The following ATP2C1 variants were observed in gnomAD, a reference collection of about 807,000 sequenced individuals.
ATP2C1 encodes the protein ATPase secretory pathway Ca2+ transporting 1.
ATP2C1 carries 31 observed loss-of-function variants against 120.5 expected under a neutral mutation model. The observed-to-expected ratio is 0.26, with a 90% CI of 0.19 to 0.35. The LOEUF is 0.35. Among genes scored for constraint, ATP2C1 ranks in the 10% least tolerant of loss-of-function variants. ATP2C1 has a pLI of 1.00. For synonymous variants in ATP2C1, 351 were observed against 358.7 expected (o/e 0.98, Z 0.24); for missense variants, 731 against 1,107.5 (o/e 0.66, Z 4.83).
intron 20 of ATP2C1, among the ~76,000 whole-genome samples, chr3:130,982,706 A>G (rs17282292): frequency 0.17 from 26,359 of 152,204 alleles, 2,435 homozygotes; most frequent in Middle Eastern, 0.23. Context: ...CAAGTTATAT[A>G]TTCAGAATGT....
intron 4 of ATP2C1, among the ~76,000 whole-genome samples, chr3:130,932,418 A>C (rs889249849): frequency 6.6e-6 from 1 of 152,132 alleles, no homozygotes; most frequent in African/African-American, 2.4e-5. Context: ...TACACTATTT[A>C]AATGATAGGA....
intron 1 of ATP2C1, among the ~76,000 whole-genome samples, chr3:130,879,334 T>C (rs987266173): frequency 3.9e-5 from 6 of 152,232 alleles, no homozygotes; most frequent in Admixed American, 3.9e-4. Context: ...CCCAAAGTGC[T>C]GGGATTACAG....
intron 20 of ATP2C1, 66 bp downstream of exon 20, chr3:130,980,745 A>G (rs1388692591): frequency 3.4e-6 from 4 of 1,174,268 alleles, no homozygotes; most frequent in East Asian, 2.4e-5. Context: ...TTCTACTACT[A>G]TCTTAATGAA....
exon 27 of ATP2C1, chr3:131,016,159 T>C (rs751523334): frequency 6.2e-7 from 1 of 1,614,084 alleles, no homozygotes; most frequent in South Asian, 1.1e-5. Context: ...TAGGTCTGGC[T>C]CTGGGAGAGG....
At chr3:130,934,461 A>G (rs528067816) in intron 4 of ATP2C1, among the ~76,000 whole-genome samples, 161 bp from the exon 5 acceptor site, 1 of 152,092 alleles carries the variant, frequency 6.6e-6, no homozygotes, top group African/African-American at 2.4e-5. Flanking sequence ...AGTTAAGTAT[A>G]AACGCTTTTT....
chr3:130,904,666 T>C (rs923490249), intron 2 of ATP2C1, among the ~76,000 whole-genome samples: 2 of 152,034 alleles, frequency 1.3e-5, no homozygotes, highest in African/African-American at 2.4e-5. Flanking sequence ...ATCATACTTA[T>C]CATGGGCCAG....
At chr3:130,967,062 T>TTA in intron 14 of ATP2C1, 83 bp from the exon 15 acceptor site, 1 of 916,764 alleles carries the variant, frequency 1.1e-6, no homozygotes, top group Admixed American at 1.7e-5. Flanking sequence ...ACAGAACTCA[T>TTA]TATAGTTTTT....
At position 130,979,308 on chromosome 3, in the gene ATP2C1, A is replaced by G. The variant is rs776101896; in HGVS notation, c.1630A>G (p.Ile544Val). Residue 544 changes from isoleucine to valine, a missense_variant, in exon 19 of 28, where the codon ATC becomes GTC. Ile to Val is a conservative substitution (Grantham distance 29). Coordinates refer to ENST00000510168, the MANE Select transcript of ATP2C1 (RefSeq NM_001378687.1). ...GQLTFLGLVG[I>V]IDPPRTGVKE... is the part of the protein sequence containing the mutation. Reference sequence around the variant, plus strand: ...GCTGACATTTCTTGGCTTGGTGGGAATCATTGATCCACCTAGAACTGGTGT... The same window carrying G: ...GCTGACATTTCTTGGCTTGGTGGGAGTCATTGATCCACCTAGAACTGGTGT... 6.2e-7 allele frequency: 1 copy of G among 1,613,670 alleles called. No individual in the cohort carries two copies. Among genetic ancestry groups the G allele is most frequent in the South Asian group, 1.1e-5 (1 of 91,060 alleles).
At chr3:130,955,143 A>G in intron 10 of ATP2C1, 63 bp downstream of exon 10, 3 of 1,107,146 alleles carry the variant, frequency 2.7e-6, no homozygotes. Context: ...TTGTAAGTAG[A>G]GAATGTTGGA....
intron 16 of ATP2C1, among the ~76,000 whole-genome samples, chr3:130,967,738 T>C (rs2061114632): frequency 6.6e-6 from 1 of 152,226 alleles, no homozygotes; most frequent in Non-Finnish European, 1.5e-5. Context: ...TAATTGCTGA[T>C]AAATACTAAC....
chr3:130,967,296 T>G (rs991103118), intron 15 of ATP2C1, 34 bp from the exon 16 acceptor site: 1 of 1,611,788 alleles, frequency 6.2e-7, no homozygotes, highest in Non-Finnish European at 8.5e-7. Flanking sequence ...TAAGACACAG[T>G]GATAGGTTCA....
At chr3:130,900,748 G>A (rs2057782219) in intron 2 of ATP2C1, among the ~76,000 whole-genome samples, 1 of 152,174 alleles carries the variant, frequency 6.6e-6, no homozygotes, top group African/African-American at 2.4e-5. Flanking sequence ...CTCTGCCTAA[G>A]GGCAAGATCC....
chr3:131,014,832 CAA>C lies in ATP2C1; in HGVS notation c.2630-1319_2630-1318del, dbSNP rs781773154. 2.6e-5 allele frequency among the ~76,000 whole-genome samples: 4 copies of C among 152,174 alleles called. No homozygotes were observed. The South Asian group carries it at 6.2e-4, about 24-fold the overall frequency. On this transcript the variant is annotated intron_variant, in intron 26 of 26. Transcript: ENST00000328560. The stretch of plus-strand genomic sequence containing the variant: ...AGAAGATGGGATTAATTGGAATCCA[CAA>C]GTTTATTATGGACAAAGCTGATAAA...
At chr3:130,951,844 CATATT>C (rs2060382222) in intron 8 of ATP2C1, among the ~76,000 whole-genome samples, 1 of 152,090 alleles carries the variant, frequency 6.6e-6, no homozygotes, top group Non-Finnish European at 1.5e-5. Context: ...ATTCCACTGT[CATATT>C]ATCTAAACTT....
intron 17 of ATP2C1, among the ~76,000 whole-genome samples, chr3:130,973,953 TA>T (rs1307780073): frequency 2.0e-5 from 3 of 152,052 alleles, no homozygotes; most frequent in Admixed American, 2.0e-4. Context: ...TTAAAAGACT[TA>T]AAATTCAGTG....
chr3:130,850,730 A>C (rs2067650396), exon 1 of ATP2C1: 1 of 567,010 alleles, frequency 1.8e-6, no homozygotes, highest in Non-Finnish European at 2.9e-6. Context: ...CTACAAACAA[A>C]TCTTTAGGCA....
intron 5 of ATP2C1, among the ~76,000 whole-genome samples, chr3:130,935,393 A>T (rs903305683): frequency 6.6e-6 from 1 of 152,214 alleles, no homozygotes; most frequent in African/African-American, 2.4e-5. Flanking sequence ...ATATGATTTT[A>T]TTCTTTCCAG....
At chr3:130,989,950 A>G (rs955921375) in intron 20 of ATP2C1, among the ~76,000 whole-genome samples, 1 of 152,092 alleles carries the variant, frequency 6.6e-6, no homozygotes, top group Non-Finnish European at 1.5e-5. Context: ...TTCTGAATGG[A>G]TTTTTGAACT....
At position 130,956,129 on chromosome 3, in the gene ATP2C1, G is replaced by A. The variant is rs200665127; in HGVS notation, c.782G>A (p.Ser261Asn). 4.5e-5 allele frequency: 73 copies of A among 1,610,754 alleles called. No individual in the cohort carries two copies. Among genetic ancestry groups the A allele is most frequent in the African/African-American group, 1.3e-5 (1 of 74,824 alleles). ...GCACCAAAAACCCCTCTGCAGAAGAGCATGGACCTCTTAGGAAAACAACTT... is the reference window on the plus strand; with the variant it reads ...GCACCAAAAACCCCTCTGCAGAAGAACATGGACCTCTTAGGAAAACAACTT... The part of the protein sequence containing the change: ...EEAPKTPLQK[S>N]MDLLGKQLSF... The change falls in exon 11 of 28, where the codon AGC (serine) becomes AAC (asparagine). Residue 261 changes from serine to asparagine, a missense_variant. By Grantham distance (46) the Ser-to-Asn change is conservative (BLOSUM62 1). Around this residue, in one of 3 missense-constraint regions of ATP2C1, gnomAD observed 571 missense variants for 845.9 expected, o/e 0.67. Transcript: ENST00000510168.
Sources: gnomAD v4.1 joint callset for allele counts (sites outside exome capture counted in the v4.1 genomes callset) on GRCh38, gnomAD v4.1.1 for gene constraint, gnomAD v4.1.1 regional missense constraint, MANE v1.5 for transcripts, NCBI Gene and HGNC (gene_info 2026-07-23, HGNC 2026-07-21) for gene names.